The following ITGA9 variants were observed in gnomAD, a reference collection of about 807,000 sequenced individuals.
ITGA9 encodes the protein integrin subunit alpha 9.
A neutral mutation model predicts 127.8 loss-of-function variants in ITGA9; 56 were observed. That is an observed-to-expected ratio of 0.44 (90% CI 0.35 to 0.55). The LOEUF is 0.55. Ranked by LOEUF, ITGA9 falls within the 20% of genes least tolerant of loss-of-function variation. The pLI is 0.00. For missense variants in ITGA9, 1,196 were observed against 1,347.1 expected (o/e 0.89, Z 1.76); for synonymous variants, 508 against 514.5 (o/e 0.99, Z 0.17).
intron 18 of ITGA9, among the ~76,000 whole-genome samples, chr3:37,706,759 A>G (rs1273129048): frequency 6.6e-6 from 1 of 152,204 alleles, no homozygotes; most frequent in East Asian, 1.9e-4. Flanking sequence ...TCTAAGGCAT[A>G]TCATAAACCA....
chr3:37,817,804 T>TGAAATGTGGTAA (rs1310648686), intron 27 of ITGA9, among the ~76,000 whole-genome samples: 54 of 152,178 alleles, frequency 3.5e-4, no homozygotes, highest in Admixed American at 3.1e-3. Flanking sequence ...TTACCATATG[T>TGAAATGTGGTAA]GAAAAGTTGT....
chr3:37,738,568 A>G (rs1049768360), intron 20 of ITGA9, among the ~76,000 whole-genome samples: 1 of 152,226 alleles, frequency 6.6e-6, no homozygotes, highest in African/African-American at 2.4e-5. Flanking sequence ...GGGGAGTGGC[A>G]CAGTGCAACA....
intron 19 of ITGA9, among the ~76,000 whole-genome samples, chr3:37,734,002 C>T (rs1323951544): frequency 6.6e-6 from 1 of 152,216 alleles, no homozygotes; most frequent in Non-Finnish European, 1.5e-5. Context: ...ATATACATAT[C>T]AGGCACGTGT....
intron 18 of ITGA9, among the ~76,000 whole-genome samples, chr3:37,691,223 C>T (rs1700828974): frequency 6.6e-6 from 1 of 152,186 alleles, no homozygotes; most frequent in Non-Finnish European, 1.5e-5. Flanking sequence ...GAGAGGCCCA[C>T]AGGATTAGAA....
At chr3:37,578,538 T>A (rs1259128817) in intron 15 of ITGA9, among the ~76,000 whole-genome samples, 1 of 152,202 alleles carries the variant, frequency 6.6e-6, no homozygotes, top group East Asian at 1.9e-4. Context: ...TTTCTCCCCA[T>A]GGCTTGGCCA....
intron 27 of ITGA9, among the ~76,000 whole-genome samples, chr3:37,809,111 A>T: frequency 7.2e-6 from 1 of 138,826 alleles, no homozygotes; most frequent in African/African-American, 2.7e-5. Flanking sequence ...TTTTTGTGGC[A>T]GTCCCACTCT....
At chr3:37,722,772 A>C (rs1439857792) in intron 18 of ITGA9, among the ~76,000 whole-genome samples, 1 of 152,202 alleles carries the variant, frequency 6.6e-6, no homozygotes, top group East Asian at 1.9e-4. Context: ...TTATGCTGCT[A>C]TCAATATTTG....
intron 15 of ITGA9, among the ~76,000 whole-genome samples, chr3:37,561,473 A>G (rs1363969151): frequency 6.6e-6 from 1 of 152,128 alleles, no homozygotes; most frequent in Non-Finnish European, 1.5e-5. Context: ...GTAAAAGTAT[A>G]CCTTTTATCA....
intron 18 of ITGA9, among the ~76,000 whole-genome samples, chr3:37,694,079 CT>C (rs1436349672): frequency 2.0e-5 from 3 of 152,232 alleles, no homozygotes; most frequent in Non-Finnish European, 4.4e-5. Context: ...CCCAAGCCCC[CT>C]GGTGACTTTA....
At chr3:37,655,211 G>A (rs867035045) in intron 17 of ITGA9, among the ~76,000 whole-genome samples, 6 of 152,346 alleles carry the variant, frequency 3.9e-5, no homozygotes, top group African/African-American at 1.4e-4. Flanking sequence ...TGTATACCCA[G>A]TAATGGGATG....
chr3:37,679,057 C>T (rs1019354865), intron 17 of ITGA9, among the ~76,000 whole-genome samples: 8 of 152,074 alleles, frequency 5.3e-5, no homozygotes, highest in Non-Finnish European at 7.4e-5. Context: ...AATATATTTT[C>T]AGCAGGCTAT....
At chr3:37,768,178 T>C (rs1696801257) in intron 23 of ITGA9, among the ~76,000 whole-genome samples, 1 of 152,192 alleles carries the variant, frequency 6.6e-6, no homozygotes, top group African/African-American at 2.4e-5. Context: ...CATAGCAACA[T>C]GATTTAACAT....
chr3:37,738,679 G>C (rs1696395446), intron 20 of ITGA9, among the ~76,000 whole-genome samples: 1 of 152,206 alleles, frequency 6.6e-6, no homozygotes, highest in Admixed American at 6.5e-5. Context: ...TGGATCCACA[G>C]AACACTCGCC....
chr3:37,502,902 G>T (rs1698801710), intron 5 of ITGA9, among the ~76,000 whole-genome samples: 1 of 152,220 alleles, frequency 6.6e-6, no homozygotes, highest in Non-Finnish European at 1.5e-5. Context: ...GAGGAAACGT[G>T]TGTGGTCTCA....
intron 22 of ITGA9, chr3:37,748,037 G>A: frequency 2.9e-6 from 1 of 342,114 alleles, no homozygotes; most frequent in Middle Eastern, 7.1e-4. Flanking sequence ...GCAAAATTTT[G>A]GAACATTTCA....
chr3:37,565,089 G>A (rs913012556), intron 15 of ITGA9, among the ~76,000 whole-genome samples: 1 of 152,168 alleles, frequency 6.6e-6, no homozygotes, highest in East Asian at 1.9e-4. Context: ...GCCTGGTGAC[G>A]TGAAGCACAT....
intron 8 of ITGA9, among the ~76,000 whole-genome samples, chr3:37,509,614 C>T (rs888805223): frequency 1.3e-5 from 2 of 152,052 alleles, no homozygotes; most frequent in African/African-American, 2.4e-5. Context: ...TTTAACTATC[C>T]GAATAGGTAC....
At chr3:37,531,510 C>T (rs1699151846) in intron 13 of ITGA9, among the ~76,000 whole-genome samples, 1 of 152,186 alleles carries the variant, frequency 6.6e-6, no homozygotes, top group South Asian at 2.1e-4. Context: ...TGTTTCCTGC[C>T]TGCCGCACTG....
At chr3:37,707,698 T>C (rs1701022673) in intron 18 of ITGA9, among the ~76,000 whole-genome samples, 1 of 152,244 alleles carries the variant, frequency 6.6e-6, no homozygotes, top group Non-Finnish European at 1.5e-5. Context: ...ACTTGGAGCC[T>C]AGTAAAATCC....
Sources: allele counts gnomAD v4.1 joint callset (sites outside exome capture counted in the v4.1 genomes callset), GRCh38; gene constraint gnomAD v4.1.1; transcripts MANE v1.5; gene names NCBI Gene and HGNC (gene_info 2026-07-23, HGNC 2026-07-21).